EYA4: variants seen among roughly 807,000 people sequenced by gnomAD.
EYA4 encodes EYA transcriptional coactivator and phosphatase 4.
A neutral mutation model predicts 87.9 loss-of-function variants in EYA4; 31 were observed. The ratio of observed to expected loss-of-function variants is 0.35; its 90% CI spans 0.27 to 0.48. EYA4 has a LOEUF of 0.48. Ranked by LOEUF, EYA4 falls within the 20% of genes least tolerant of loss-of-function variation. EYA4 has a pLI of 0.99. For missense variants in EYA4, 678 were observed against 761.4 expected (o/e 0.89, Z 1.29); for synonymous variants, 263 against 270.6 (o/e 0.97, Z 0.28).
At chr6:133,338,663 T>C (rs772948545) in intron 2 of EYA4, among the ~76,000 whole-genome samples, 1 of 152,190 alleles carries the variant, frequency 6.6e-6, no homozygotes, top group Non-Finnish European at 1.5e-5. Flanking sequence ...TTTTACCCAC[T>C]GTCACAAATA....
At chr6:133,406,671 G>GT (rs1167213943) in intron 3 of EYA4, among the ~76,000 whole-genome samples, 1 of 152,112 alleles carries the variant, frequency 6.6e-6, no homozygotes, top group Non-Finnish European at 1.5e-5. Flanking sequence ...AGATATTTCA[G>GT]TTAGCTATAT....
intron 14 of EYA4, among the ~76,000 whole-genome samples, chr6:133,512,491 G>A (rs190400549): frequency 3.8e-4 from 58 of 152,198 alleles, no homozygotes; most frequent in African/African-American, 1.3e-3. Context: ...CTCTCATGCC[G>A]TATATTTTCT....
chr6:133,294,992 A>G (rs576534132), intron 2 of EYA4, among the ~76,000 whole-genome samples: 2 of 152,326 alleles, frequency 1.3e-5, no homozygotes, highest in African/African-American at 4.8e-5. Context: ...CTAGTGTAAT[A>G]TAGCTAAATT....
chr6:133,431,601 G>A (rs1186643672), intron 3 of EYA4, among the ~76,000 whole-genome samples: 1 of 152,116 alleles, frequency 6.6e-6, no homozygotes, highest in Admixed American at 6.5e-5. Context: ...TTGTTTTGAA[G>A]CCAGTGCAAT....
chr6:133,465,651 G>T (rs958624345), intron 10 of EYA4, among the ~76,000 whole-genome samples: 2 of 152,104 alleles, frequency 1.3e-5, no homozygotes, highest in Admixed American at 6.6e-5. Flanking sequence ...AAGTAGTTGA[G>T]ATTGAAGAGT....
intron 3 of EYA4, among the ~76,000 whole-genome samples, chr6:133,425,534 C>T (rs1464907561): frequency 6.6e-6 from 1 of 150,688 alleles, no homozygotes; most frequent in African/African-American, 2.5e-5. Flanking sequence ...TGAAAACAGT[C>T]CCTCCACTTT....
At chr6:133,319,511 C>CCTT (rs373603703) in intron 2 of EYA4, among the ~76,000 whole-genome samples, 2 of 145,438 alleles carry the variant, frequency 1.4e-5, no homozygotes, top group African/African-American at 5.0e-5. Flanking sequence ...GATAGTGTCC[C>CCTT]TTTTTTTTTT....
chr6:133,374,419 A>G (rs1325161791), intron 2 of EYA4, among the ~76,000 whole-genome samples: 2 of 152,060 alleles, frequency 1.3e-5, no homozygotes, highest in Non-Finnish European at 2.9e-5. Context: ...GTGACAGCCC[A>G]ATACTAAAGG....
intron 1 of EYA4, among the ~76,000 whole-genome samples, chr6:133,242,478 A>G (rs1774036599): frequency 6.6e-6 from 1 of 152,126 alleles, no homozygotes; most frequent in Non-Finnish European, 1.5e-5. Context: ...AACTTCTCCA[A>G]AGGAAGGGAC....
At chr6:133,418,962 C>T (rs767355198) in intron 3 of EYA4, among the ~76,000 whole-genome samples, 5 of 152,144 alleles carry the variant, frequency 3.3e-5, no homozygotes, top group Non-Finnish European at 7.4e-5. Flanking sequence ...TGTTCTCTCC[C>T]TCTAGTTTCT....
intron 2 of EYA4, among the ~76,000 whole-genome samples, chr6:133,374,385 C>G (rs1338248303): frequency 6.6e-6 from 1 of 151,946 alleles, no homozygotes; most frequent in Non-Finnish European, 1.5e-5. Context: ...CATTAAAGGC[C>G]AGAAATCAAG....
At chr6:133,446,183 T>C (rs1792815650) in intron 3 of EYA4, among the ~76,000 whole-genome samples, 1 of 152,080 alleles carries the variant, frequency 6.6e-6, no homozygotes, top group South Asian at 2.1e-4. Context: ...CTCTAGTGTG[T>C]AGCTAAGGTG....
chr6:133,315,317 T>G (rs1780540118), intron 2 of EYA4, among the ~76,000 whole-genome samples: 1 of 152,198 alleles, frequency 6.6e-6, no homozygotes, highest in Non-Finnish European at 1.5e-5. Context: ...GTGTTAAAAC[T>G]CAGTATTTTC....
intron 3 of EYA4, among the ~76,000 whole-genome samples, chr6:133,429,915 T>C (rs998772957): frequency 6.6e-6 from 1 of 152,222 alleles, no homozygotes; most frequent in African/African-American, 2.4e-5. Context: ...GCAGGTTTGT[T>C]ATATGAGTAG....
At chr6:133,307,763 A>C (rs1399190373) in intron 2 of EYA4, among the ~76,000 whole-genome samples, 1 of 152,200 alleles carries the variant, frequency 6.6e-6, no homozygotes, top group Non-Finnish European at 1.5e-5. Flanking sequence ...TACATTTATA[A>C]TTCCCATTTT....
intron 1 of EYA4, among the ~76,000 whole-genome samples, chr6:133,246,281 A>G (rs1774402342): frequency 6.6e-6 from 1 of 152,188 alleles, no homozygotes; most frequent in Non-Finnish European, 1.5e-5. Context: ...GAAAGACACC[A>G]TTCTAAAATA....
At chr6:133,300,275 T>A (rs1045480080) in intron 2 of EYA4, among the ~76,000 whole-genome samples, 19 of 151,624 alleles carry the variant, frequency 1.3e-4, no homozygotes, top group Non-Finnish European at 1.6e-4. Flanking sequence ...TGAAAGAAAA[T>A]CCACAAGTGA....
chr6:133,446,769 C>T lies in EYA4; in HGVS notation c.208+15C>T, dbSNP rs1345699417. ...TGGGACAGGAGGTAAGTGTACTACC[C>T]TGAAGATACCCAGAATCATATTTCA... On this transcript the variant is annotated intron_variant, in intron 4 of 19. Coordinates refer to ENST00000355286, the MANE Select transcript of EYA4 (RefSeq NM_004100.5). 1.2e-6 allele frequency: 2 copies of T among 1,612,472 alleles called. No individual in the cohort carries two copies. The highest frequency in any genetic ancestry group is 1.7e-6 in the Non-Finnish European group (2 of 1,178,730).
chr6:133,468,802 A>C (rs1795075120), intron 11 of EYA4, 71 bp downstream of exon 11: 6 of 1,499,518 alleles, frequency 4.0e-6, no homozygotes, highest in Middle Eastern at 1.7e-4. Flanking sequence ...GAAAGTGGAC[A>C]TTCCAAAAAC....
Sources: allele counts gnomAD v4.1 joint callset (sites outside exome capture counted in the v4.1 genomes callset), GRCh38; gene constraint gnomAD v4.1.1; transcripts MANE v1.5; gene names NCBI Gene and HGNC (gene_info 2026-07-23, HGNC 2026-07-21).